Variants in IL34 observed in about 807,000 individuals in gnomAD.
IL34 encodes interleukin 34, also known as interleukin-34.
In IL34, 17 loss-of-function variants were observed where a neutral mutation model predicts 25.3. That is an observed-to-expected ratio of 0.67 (90% CI 0.46 to 1.01). IL34 has a LOEUF of 1.01. IL34 is among the 50% of genes least tolerant of loss of function. IL34 has a pLI of 0.00. For missense variants in IL34, 368 were observed against 312.9 expected, an observed-to-expected ratio of 1.18 and a Z score of -1.33; for synonymous variants, 174 against 140.9, an observed-to-expected ratio of 1.23 and a Z score of -1.66.
chr16:70,599,305 C>CTTTCTTTCTTCT (rs1253810022), intron 1 of IL34, among the ~76,000 whole-genome samples: 5 of 60,324 alleles, frequency 8.3e-5, no homozygotes, highest in East Asian at 3.4e-4. Flanking sequence ...TCTTTCTTTC[C>CTTTCTTTCTTCT]TTCTTTCTTT....
At chr16:70,607,999 C>T (rs893295955) in intron 1 of IL34, among the ~76,000 whole-genome samples, 2 of 151,920 alleles carry the variant, frequency 1.3e-5, no homozygotes, top group African/African-American at 4.8e-5. Flanking sequence ...AACTCCTGAC[C>T]TTAGGTGATC....
chr16:70,598,857 AG>A (rs1422093305), intron 1 of IL34, among the ~76,000 whole-genome samples: 1 of 152,214 alleles, frequency 6.6e-6, no homozygotes, highest in African/African-American at 2.4e-5. Context: ...GACTGCTCTA[AG>A]GCAGTGTTTC....
At chr16:70,599,217 G>T (rs2151815499) in intron 1 of IL34, among the ~76,000 whole-genome samples, 1 of 151,532 alleles carries the variant, frequency 6.6e-6, no homozygotes, top group South Asian at 2.1e-4. Context: ...GAGCAAATAG[G>T]CCTTCTTAGG....
chr16:70,604,269 G>T (rs530086883), intron 1 of IL34, among the ~76,000 whole-genome samples: 7 of 152,278 alleles, frequency 4.6e-5, no homozygotes, highest in Middle Eastern at 3.4e-3. Flanking sequence ...GGCCAAACCT[G>T]GGAACAAACC....
At chr16:70,587,047 C>T (rs919733798) in intron 1 of IL34, among the ~76,000 whole-genome samples, 5 of 152,182 alleles carry the variant, frequency 3.3e-5, no homozygotes, top group Non-Finnish European at 5.9e-5. Context: ...AGAATGCTAG[C>T]TAGTGTCAGG....
chr16:70,659,540 G>A, intron 4 of IL34, 78 bp from the exon 5 acceptor site: 1 of 1,501,000 alleles, frequency 6.7e-7, no homozygotes, highest in Non-Finnish European at 9.0e-7. Flanking sequence ...GCAGCTCCAG[G>A]TGACTGGACA....
In IL34 at chr16:70,660,090, A is replaced by T. The variant is rs1717919870; in HGVS notation, c.632A>T (p.Gln211Leu). 6.2e-6 allele frequency: 10 copies of T among 1,613,394 alleles called. No homozygotes were observed. The highest frequency in any genetic ancestry group is 7.6e-6 in the Non-Finnish European group (9 of 1,179,842). Residue 211 changes from glutamine (Q) to leucine (L), a missense_variant, in exon 6 of 6, where the codon CAG becomes CTG. Gln to Leu is a moderately radical substitution (Grantham distance 113, BLOSUM62 -2). Transcript: ENST00000288098. ...CCCTCATTGCAGTATGCGGCCACCC[A>T]GCTGTACCCTCCGCCCCCGTGGTCC... is the stretch of plus-strand genomic sequence containing the variant. Reference protein sequence around the residue: ...PEPSLQYAATQLYPPPPWSPS... With the variant: ...PEPSLQYAATLLYPPPPWSPS...
intron 1 of IL34, among the ~76,000 whole-genome samples, chr16:70,650,319 T>C (rs78443457): frequency 0.035 from 5,367 of 152,182 alleles, 309 homozygotes; most frequent in African/African-American, 0.12. Flanking sequence ...TTAGCAATGA[T>C]GTTTGGGCTG....
chr16:70,582,087 G>A (rs992464834), intron 1 of IL34, among the ~76,000 whole-genome samples: 3 of 152,188 alleles, frequency 2.0e-5, no homozygotes, highest in African/African-American at 7.2e-5. Flanking sequence ...AAATTGATAA[G>A]GTCAAGTACA....
chr16:70,599,333 C>G (rs2050878872), intron 1 of IL34, among the ~76,000 whole-genome samples: 1 of 129,596 alleles, frequency 7.7e-6, no homozygotes, highest in Non-Finnish European at 1.7e-5. Context: ...TTCTTTCTCT[C>G]TTTCTTTCTC....
Position 70,637,594 on chromosome 16 carries a change from C to G in IL34, c.-400-8954C>G, listed in dbSNP as rs186345608. Among the ~76,000 whole-genome samples, 577 of 150,152 alleles carry G rather than the reference C, an allele frequency of 3.8e-3. 4 individuals carry two copies. Among genetic ancestry groups the G allele is most frequent in the African/African-American group, 0.012 (509 of 41,042 alleles). On this transcript the variant is annotated intron_variant, in intron 1 of 6. Transcript: ENST00000429149. ...CCTGACCTCAGATGATCTGCCCCCC[C>G]TCGACCTCCCAAAATGCTGGGATCA...
upstream of IL34, among the ~76,000 whole-genome samples, chr16:70,645,138 CGAG>C (rs201499029): frequency 0.014 from 1,604 of 116,842 alleles, 34 homozygotes; most frequent in African/African-American, 0.05. Context: ...AGGAGGAAGA[CGAG>C]GAAGGAGGAG....
intron 1 of IL34, among the ~76,000 whole-genome samples, chr16:70,597,520 G>A (rs928447797): frequency 5.3e-5 from 8 of 152,158 alleles, no homozygotes; most frequent in Non-Finnish European, 8.8e-5. Context: ...ATAAGTGTGA[G>A]CCACTGCCTC....
At chr16:70,658,822 C>G (rs973398565) in intron 4 of IL34, among the ~76,000 whole-genome samples, 3 of 152,180 alleles carry the variant, frequency 2.0e-5, no homozygotes, top group African/African-American at 7.2e-5. Context: ...TCACCTTTCT[C>G]TTACAAGGAC....
intron 1 of IL34, among the ~76,000 whole-genome samples, chr16:70,634,566 G>A (rs1293044995): frequency 2.0e-5 from 3 of 151,978 alleles, no homozygotes; most frequent in South Asian, 2.1e-4. Flanking sequence ...TATAATCCCA[G>A]GTACTCAGGA....
intron 1 of IL34, among the ~76,000 whole-genome samples, chr16:70,636,754 A>AG (rs1278836455): frequency 2.0e-5 from 3 of 151,344 alleles, no homozygotes. Flanking sequence ...GGCAACAGAG[A>AG]GAAACCCTGT....
chr16:70,618,774 G>C (rs189285893), intron 1 of IL34, among the ~76,000 whole-genome samples: 2 of 152,296 alleles, frequency 1.3e-5, no homozygotes, highest in Admixed American at 1.3e-4. Flanking sequence ...ATTATGCAGA[G>C]ATAGGTAACA....
chr16:70,623,773 G>A (rs892840082), intron 1 of IL34, among the ~76,000 whole-genome samples: 1 of 151,390 alleles, frequency 6.6e-6, no homozygotes, highest in African/African-American at 2.4e-5. Context: ...GCCTAATAAG[G>A]GAACTGGGCA....
intron 1 of IL34, among the ~76,000 whole-genome samples, chr16:70,605,549 T>G (rs1455381067): frequency 6.6e-6 from 1 of 152,200 alleles, no homozygotes; most frequent in Admixed American, 6.5e-5. Flanking sequence ...TCTATGCTGC[T>G]TTTTGCCTTT....
Sources: allele counts gnomAD v4.1 joint callset (sites outside exome capture counted in the v4.1 genomes callset), GRCh38; gene constraint gnomAD v4.1.1; transcripts MANE v1.5; gene names NCBI Gene and HGNC (gene_info 2026-07-23, HGNC 2026-07-21).